Variants in PRKRIP1 observed in about 807,000 individuals in gnomAD.
PRKRIP1 encodes the protein PRKR interacting protein 1.
Under a neutral mutation model 29.3 loss-of-function variants are expected in PRKRIP1, and 29 were observed. That is an observed-to-expected ratio of 0.99 (90% confidence interval 0.74 to 1.35). The LOEUF is 1.35. Among genes scored for constraint, PRKRIP1 ranks in the 40% most tolerant of loss-of-function variants. PRKRIP1 has a pLI of 0.00. For missense variants in PRKRIP1, 247 were observed against 236.8 expected (o/e 1.04, Z -0.28); for synonymous variants, 90 against 85.1 (o/e 1.06, Z -0.32).
intron 5 of PRKRIP1, among the ~76,000 whole-genome samples, chr7:102,414,794 A>G (rs1554572881): frequency 6.6e-6 from 1 of 152,044 alleles, no homozygotes; most frequent in African/African-American, 2.4e-5. Context: ...CTGAGGCAGG[A>G]GGATCACCTG....
chr7:102,418,503 A>C (rs1168670090), intron 5 of PRKRIP1, among the ~76,000 whole-genome samples: 1 of 152,188 alleles, frequency 6.6e-6, no homozygotes, highest in African/African-American at 2.4e-5. Flanking sequence ...ATATATGTAC[A>C]TATCTGTCAA....
In PRKRIP1 at chr7:102,399,528, G is replaced by T; in HGVS notation, c.206-20G>T. ...TGGTAACTGAATTTCATCTAGAACTGTGGACTGTTCTGGCTACAGGTTCAA... is the reference window on the plus strand; with the variant it reads ...TGGTAACTGAATTTCATCTAGAACTTTGGACTGTTCTGGCTACAGGTTCAA... On this transcript the variant is annotated intron_variant, in intron 2 of 5. Coordinates refer to ENST00000397912, the MANE Select transcript of PRKRIP1 (RefSeq NM_024653.4). 6.2e-7 allele frequency: 1 copy of T among 1,601,448 alleles called. No homozygotes were observed. The highest frequency in any genetic ancestry group is 8.6e-7 in the Non-Finnish European group (1 of 1,168,592).
chr7:102,406,695 C>T (rs1240340753), intron 4 of PRKRIP1, among the ~76,000 whole-genome samples: 8 of 152,162 alleles, frequency 5.3e-5, no homozygotes, highest in African/African-American at 1.9e-4. Flanking sequence ...CTTCTTGCCC[C>T]ACCACTGCAC....
chr7:102,407,540 T>C, intron 5 of PRKRIP1, 42 bp downstream of exon 5: 1 of 1,469,286 alleles, frequency 6.8e-7, no homozygotes. Flanking sequence ...TTCTTTCTTC[T>C]TGTTGGTCAC....
intron 5 of PRKRIP1, among the ~76,000 whole-genome samples, chr7:102,414,107 A>G (rs1031599845): frequency 6.6e-6 from 1 of 152,116 alleles, no homozygotes; most frequent in African/African-American, 2.4e-5. Flanking sequence ...TGTACCTGTA[A>G]TCCCAGCTAC....
chr7:102,399,488 AAG>A (rs1554570908), intron 2 of PRKRIP1, 58 bp from the exon 3 acceptor site: 1 of 1,344,386 alleles, frequency 7.4e-7, no homozygotes, highest in Non-Finnish European at 1.1e-6. Context: ...ACCCTCGATT[AAG>A]GGTGACCTGT....
intron 5 of PRKRIP1, among the ~76,000 whole-genome samples, chr7:102,419,412 TA>T (rs1365277233): frequency 2.5e-4 from 37 of 148,982 alleles, no homozygotes; most frequent in East Asian, 1.2e-3. Context: ...AGACTCCGTC[TA>T]AAAAAAAAAT....
intron 5 of PRKRIP1, among the ~76,000 whole-genome samples, chr7:102,408,305 G>A (rs900460924): frequency 3.3e-5 from 5 of 152,304 alleles, no homozygotes; most frequent in South Asian, 2.1e-4. Context: ...ACTAGCTGCC[G>A]TCAGGCTAGA....
At chr7:102,403,252 A>T (rs912805514) in intron 3 of PRKRIP1, among the ~76,000 whole-genome samples, 1 of 152,216 alleles carries the variant, frequency 6.6e-6, no homozygotes, top group South Asian at 2.1e-4. Context: ...AAAGTTGATT[A>T]ATTAAAGTTG....
chr7:102,421,180 C>T (rs546217774), intron 5 of PRKRIP1, among the ~76,000 whole-genome samples: 22 of 152,278 alleles, frequency 1.4e-4, no homozygotes, highest in African/African-American at 5.3e-4. Flanking sequence ...ATGACTGCCA[C>T]GCGTGACCTG....
intron 5 of PRKRIP1, chr7:102,423,120 C>CTT (rs782193171): frequency 4.1e-4 from 156 of 383,002 alleles, no homozygotes; most frequent in Admixed American, 6.0e-4. Context: ...ACCCTATGCT[C>CTT]TTTTTTTTTT....
chr7:102,396,623 C>T (rs1175317709), intron 1 of PRKRIP1, 86 bp downstream of exon 1: 104 of 1,428,274 alleles, frequency 7.3e-5, no homozygotes, highest in Non-Finnish European at 9.0e-5. Flanking sequence ...GTCCACCTTC[C>T]CCGCCTCCAA....
At chr7:102,399,037 G>A (rs1795995753) in intron 2 of PRKRIP1, among the ~76,000 whole-genome samples, 1 of 152,246 alleles carries the variant, frequency 6.6e-6, no homozygotes, top group South Asian at 2.1e-4. Context: ...CAGGAGGATG[G>A]CTTGAGCCCA....
rs1796013220 is a variant in PRKRIP1 at position 102,399,680 on chromosome 7, A to G, written c.306+32A>G. On this transcript the variant is annotated intron_variant, in intron 3 of 5. Transcript: ENST00000397912. Reference sequence around the variant, plus strand: ...GAGCCAGAAGGCTGGCTGAGCCCCCATGTTTGGGCAGTGTGCGTGTACTTT... The same window carrying G: ...GAGCCAGAAGGCTGGCTGAGCCCCCGTGTTTGGGCAGTGTGCGTGTACTTT... The G allele has an allele frequency of 4.6e-6, 7 of 1,525,274 alleles. No homozygotes were observed. In the South Asian group the frequency reaches 6.7e-5, roughly 15 times the overall value. 94.5% of individuals were successfully genotyped at this position (1,525,274 alleles called of 1,614,324 possible).
Position 102,425,092 on chromosome 7 carries a change from G to T in PRKRIP1, c.536G>T (p.Ser179Ile). The change falls in exon 6 of 6, where the codon AGT becomes ATT. Residue 179 changes from serine (S) to isoleucine (I), a missense_variant. By Grantham distance (142) the Ser-to-Ile change is moderately radical (BLOSUM62 -2). This residue lies in a region of PRKRIP1 where 134 missense variants were observed against 126.6 expected (regional missense o/e 1.06). Transcript: ENST00000397912. ...SGTEEEEEVP[S>I]FTMGR ...ACAGAGGAGGAGGAGGAAGTGCCCA[G>T]TTTCACCATGGGGCGATGACAATGT... 6.2e-7 allele frequency: 1 copy of T among 1,612,998 alleles called. No individual in the cohort carries two copies. The highest frequency in any genetic ancestry group is 8.5e-7 in the Non-Finnish European group (1 of 1,179,930).
At chr7:102,398,995 G>A (rs138031150) in intron 2 of PRKRIP1, among the ~76,000 whole-genome samples, 90 of 152,244 alleles carry the variant, frequency 5.9e-4, no homozygotes, top group Non-Finnish European at 8.4e-4. Context: ...AGTGGTGCAT[G>A]CCTCTGGTCC....
chr7:102,407,542 G>A (rs781814973), intron 5 of PRKRIP1, 44 bp downstream of exon 5: 4 of 1,404,434 alleles, frequency 2.8e-6, no homozygotes, highest in South Asian at 1.2e-5. Flanking sequence ...CTTTCTTCTT[G>A]TTGGTCACAG....
intron 2 of PRKRIP1, among the ~76,000 whole-genome samples, chr7:102,398,958 C>G (rs932583126): frequency 2.6e-5 from 4 of 152,072 alleles, no homozygotes; most frequent in African/African-American, 4.8e-5. Context: ...CTCATCTCTA[C>G]TAAAAATGTA....
intron 3 of PRKRIP1, among the ~76,000 whole-genome samples, chr7:102,402,774 G>A (rs1230872772): frequency 6.6e-6 from 1 of 152,132 alleles, no homozygotes; most frequent in African/African-American, 2.4e-5. Context: ...ACTCACCCCT[G>A]CTTGAGACAT....
Sources: allele counts gnomAD v4.1 joint callset (sites outside exome capture counted in the v4.1 genomes callset), GRCh38; gene constraint gnomAD v4.1.1; regional missense constraint gnomAD v4.1.1; transcripts MANE v1.5; gene names NCBI Gene and HGNC (gene_info 2026-07-23, HGNC 2026-07-21).